Variants in COP1 observed in about 807,000 individuals in gnomAD.
The protein encoded by COP1 is E3 ubiquitin-protein ligase COP1.
A neutral mutation model predicts 101.3 loss-of-function variants in COP1; 24 were observed. The observed-to-expected ratio is 0.24, with a 90% CI of 0.17 to 0.33. COP1 has a LOEUF of 0.33. COP1 is among the 10% of genes least tolerant of loss of function. The pLI, the probability that COP1 is intolerant of heterozygous loss-of-function variation, is 1.00. For synonymous variants in COP1, 347 were observed against 341.9 expected, an observed-to-expected ratio of 1.01 and a Z score of -0.17; for missense variants, 663 against 906.2, an observed-to-expected ratio of 0.73 and a Z score of 3.45.
At chr1:175,959,185 T>C (rs1202405885) in intron 18 of COP1, among the ~76,000 whole-genome samples, 2 of 151,936 alleles carry the variant, frequency 1.3e-5, no homozygotes, top group African/African-American at 4.8e-5. Context: ...TTTCACCTAC[T>C]AGATCAATAT....
At chr1:176,106,994 A>G (rs1684435348) in intron 9 of COP1, among the ~76,000 whole-genome samples, 1 of 152,178 alleles carries the variant, frequency 6.6e-6, no homozygotes, top group South Asian at 2.1e-4. Context: ...GCAACCTAGC[A>G]GTGGAAGGAC....
At chr1:175,980,756 C>T (rs1558201669) in intron 18 of COP1, among the ~76,000 whole-genome samples, 1 of 151,960 alleles carries the variant, frequency 6.6e-6, no homozygotes, top group Non-Finnish European at 1.5e-5. Context: ...AATAAGTGTC[C>T]TTTACAAGTA....
intron 8 of COP1, among the ~76,000 whole-genome samples, chr1:176,128,829 A>G (rs1688457875): frequency 6.6e-6 from 1 of 151,984 alleles, no homozygotes; most frequent in Admixed American, 6.6e-5. Context: ...ATAACTGCCA[A>G]AAAGTACTAA....
intron 14 of COP1, among the ~76,000 whole-genome samples, chr1:176,036,630 C>T (rs980792077): frequency 1.3e-5 from 2 of 151,774 alleles, no homozygotes; most frequent in Non-Finnish European, 2.9e-5. Context: ...GGTGAGAATG[C>T]AATGTGCATT....
At chr1:175,968,694 T>C (rs1652617829) in intron 18 of COP1, among the ~76,000 whole-genome samples, 1 of 152,196 alleles carries the variant, frequency 6.6e-6, no homozygotes, top group African/African-American at 2.4e-5. Context: ...AAAGTCAAAG[T>C]GATCCTTATT....
At chr1:176,121,372 C>T (rs1198519696) in intron 8 of COP1, among the ~76,000 whole-genome samples, 1 of 152,074 alleles carries the variant, frequency 6.6e-6, no homozygotes, top group Non-Finnish European at 1.5e-5. Context: ...ATTCCACATA[C>T]CCTTTAACAT....
intron 9 of COP1, among the ~76,000 whole-genome samples, chr1:176,091,470 G>A (rs935745025): frequency 1.1e-4 from 16 of 152,206 alleles, no homozygotes; most frequent in Admixed American, 3.9e-4. Context: ...ATAAATAAGT[G>A]ATTCTAAATA....
chr1:176,177,185 T>C (rs551128285), intron 2 of COP1, among the ~76,000 whole-genome samples: 1 of 152,168 alleles, frequency 6.6e-6, no homozygotes, highest in Non-Finnish European at 1.5e-5. Flanking sequence ...CTCATAGTTA[T>C]TGCTAGAGAA....
intron 15 of COP1, among the ~76,000 whole-genome samples, chr1:176,001,822 C>G (rs1476907131): frequency 6.6e-6 from 1 of 152,086 alleles, no homozygotes; most frequent in Non-Finnish European, 1.5e-5. Context: ...CTGGGAATAT[C>G]TTAATTCCCC....
chr1:176,083,660 T>A (rs1001272784), intron 10 of COP1, among the ~76,000 whole-genome samples: 3 of 150,454 alleles, frequency 2.0e-5, no homozygotes, highest in Non-Finnish European at 4.4e-5. Flanking sequence ...TCCAAAGTAA[T>A]AGTTCTTTAA....
chr1:176,016,992 C>T (rs150625073), intron 15 of COP1, among the ~76,000 whole-genome samples: 917 of 152,144 alleles, frequency 6.0e-3, no homozygotes, highest in Non-Finnish European at 9.6e-3. Context: ...AGAATAATTT[C>T]TAGTACAACA....
chr1:176,005,303 G>C (rs1228747612), intron 15 of COP1, among the ~76,000 whole-genome samples: 2 of 152,110 alleles, frequency 1.3e-5, no homozygotes, highest in Non-Finnish European at 2.9e-5. Context: ...CAAAAAACCA[G>C]CTCCTGGATT....
chr1:175,945,282 C>G, intron 19 of COP1, 112 bp from the exon 20 acceptor site: 1 of 736,592 alleles, frequency 1.4e-6, no homozygotes, highest in Non-Finnish European at 2.2e-6. Flanking sequence ...AAAACGTTTC[C>G]CAACTGGGAA....
intron 9 of COP1, among the ~76,000 whole-genome samples, chr1:176,097,171 T>C (rs985891520): frequency 5.9e-5 from 9 of 152,174 alleles, no homozygotes; most frequent in African/African-American, 1.9e-4. Flanking sequence ...GATATCCAAG[T>C]TGTAGGCATA....
intron 2 of COP1, among the ~76,000 whole-genome samples, chr1:176,180,454 G>A (rs556465780): frequency 1.3e-5 from 2 of 152,206 alleles, no homozygotes; most frequent in African/African-American, 4.8e-5. Context: ...TCAACAACAG[G>A]TGGGCATAAC....
intron 18 of COP1, among the ~76,000 whole-genome samples, chr1:175,986,116 T>C (rs1479489258): frequency 1.3e-5 from 2 of 152,010 alleles, no homozygotes; most frequent in African/African-American, 2.4e-5. Flanking sequence ...GCCTCGCGGG[T>C]TGATGCCATT....
chr1:176,089,235 C>A lies in COP1; in HGVS notation c.1027-3345G>T, dbSNP rs896448127. ...TTGAACCAGGGCTGCAGGGGCTGCA[C>A]TGAGCCAAGATCGAGCCAGTGCACC... On this transcript the variant is annotated intron_variant, in intron 9 of 19. Transcript: ENST00000367669. Among the ~76,000 whole-genome samples the A allele has an allele frequency of 5.3e-5, 8 of 151,632 alleles. 1 individual carries two copies.
chr1:176,109,882 T>G (rs1684978353), intron 9 of COP1, among the ~76,000 whole-genome samples: 1 of 152,130 alleles, frequency 6.6e-6, no homozygotes. Flanking sequence ...TGTAGCCTCT[T>G]GGATAAATAA....
intron 2 of COP1, among the ~76,000 whole-genome samples, chr1:176,176,481 G>A (rs1696953364): frequency 6.6e-6 from 1 of 152,084 alleles, no homozygotes; most frequent in African/African-American, 2.4e-5. Context: ...ACAAAAAGCT[G>A]ATTTAAAATT....
Sources: gnomAD v4.1 joint callset for allele counts (sites outside exome capture counted in the v4.1 genomes callset) on GRCh38, gnomAD v4.1.1 for gene constraint, MANE v1.5 for transcripts, NCBI Gene and HGNC (gene_info 2026-07-23, HGNC 2026-07-21) for gene names.